The following IKZF2 variants were observed in gnomAD, a reference collection of about 807,000 sequenced individuals.
The protein encoded by IKZF2 is IKAROS family zinc finger 2.
IKZF2 carries 15 observed loss-of-function variants against 49.2 expected under a neutral mutation model. That is an observed-to-expected ratio of 0.30 (90% CI 0.20 to 0.47). The LOEUF is 0.47. Ranked by LOEUF, IKZF2 falls within the 20% of genes least tolerant of loss-of-function variation. The pLI, the probability that IKZF2 is intolerant of heterozygous loss-of-function variation, is 1.00. For synonymous variants in IKZF2, 227 were observed against 221.4 expected, an observed-to-expected ratio of 1.03 and a Z score of -0.23; for missense variants, 567 against 664.6, an observed-to-expected ratio of 0.85 and a Z score of 1.61.
chr2:213,057,727 C>T lies in IKZF2; in HGVS notation c.140-628G>A, dbSNP rs142554823. On this transcript the variant is annotated intron_variant, in intron 4 of 8. Coordinates refer to ENST00000434687, the MANE Select transcript of IKZF2 (RefSeq NM_001387220.1). The stretch of plus-strand genomic sequence containing the variant: ...ACAGACCTCACATGCTCTTAAGTTA[C>T]TCTGCCTATTTTTTCTATCTAAAAA... Among the ~76,000 whole-genome samples, 206 of 152,294 alleles carry T rather than the reference C, an allele frequency of 1.4e-3. 2 individuals carry two copies. In the East Asian group the frequency reaches 0.037, roughly 28 times the overall value.
intron 4 of IKZF2, among the ~76,000 whole-genome samples, chr2:213,135,565 G>A (rs1484290019): frequency 6.6e-6 from 1 of 151,964 alleles, no homozygotes; most frequent in Non-Finnish European, 1.5e-5. Context: ...GGGCATGGTG[G>A]CATGCACCTG....
At chr2:213,122,423 G>A (rs1449644608) in intron 4 of IKZF2, among the ~76,000 whole-genome samples, 1 of 152,042 alleles carries the variant, frequency 6.6e-6, no homozygotes, top group Admixed American at 6.6e-5. Context: ...CACTTTGTTT[G>A]ATTCAGTATA....
chr2:213,140,641 C>A (rs945416263), intron 4 of IKZF2, among the ~76,000 whole-genome samples: 3 of 151,732 alleles, frequency 2.0e-5, no homozygotes, highest in Admixed American at 1.3e-4. Context: ...ATTAGATATA[C>A]CACAAAATGT....
chr2:213,122,701 T>C (rs2060099594), intron 4 of IKZF2, among the ~76,000 whole-genome samples: 1 of 152,202 alleles, frequency 6.6e-6, no homozygotes, highest in Non-Finnish European at 1.5e-5. Flanking sequence ...TATCCAATCA[T>C]TTCTCAGCCA....
intron 6 of IKZF2, among the ~76,000 whole-genome samples, chr2:213,034,632 A>G (rs1197180488): frequency 6.6e-6 from 1 of 152,200 alleles, no homozygotes; most frequent in Admixed American, 6.5e-5. Context: ...CAAGTTTGCC[A>G]GCCTGTATAG....
chr2:213,105,019 C>T (rs1051201076), intron 4 of IKZF2, among the ~76,000 whole-genome samples: 3 of 152,084 alleles, frequency 2.0e-5, no homozygotes, highest in African/African-American at 7.2e-5. Context: ...CAGAGATTCC[C>T]TCCCCTCCCA....
intron 5 of IKZF2, among the ~76,000 whole-genome samples, chr2:213,051,024 C>G (rs2035426): frequency 0.6 from 90,944 of 151,796 alleles, 27,396 homozygotes; most frequent in East Asian, 0.77. Context: ...GATGATGATT[C>G]TAATTTTAAT....
At chr2:213,028,982 C>T (rs1248461833) in intron 6 of IKZF2, among the ~76,000 whole-genome samples, 1 of 151,942 alleles carries the variant, frequency 6.6e-6, no homozygotes, top group Non-Finnish European at 1.5e-5. Flanking sequence ...TGTTTTTTCA[C>T]CCAATGTTAA....
intron 6 of IKZF2, among the ~76,000 whole-genome samples, chr2:213,043,884 G>T (rs925285036): frequency 2.0e-5 from 3 of 152,224 alleles, no homozygotes; most frequent in Non-Finnish European, 4.4e-5. Context: ...GGAGGTTGAG[G>T]ACCCCTGCTC....
intron 6 of IKZF2, among the ~76,000 whole-genome samples, chr2:213,023,380 G>A (rs1411335525): frequency 1.3e-5 from 2 of 152,166 alleles, no homozygotes; most frequent in Non-Finnish European, 2.9e-5. Flanking sequence ...CATAAATTAA[G>A]ATCAGTTATT....
At chr2:213,039,997 C>T (rs1287422435) in intron 6 of IKZF2, among the ~76,000 whole-genome samples, 1 of 151,884 alleles carries the variant, frequency 6.6e-6, no homozygotes, top group African/African-American at 2.4e-5. Context: ...TTATAAGAGA[C>T]AATGAATAAA....
At chr2:213,013,690 T>C in intron 8 of IKZF2, 101 bp downstream of exon 8, 1 of 1,086,504 alleles carries the variant, frequency 9.2e-7, no homozygotes, top group South Asian at 1.6e-5. Flanking sequence ...GGTATTTATT[T>C]CATGAACTGA....
intron 4 of IKZF2, among the ~76,000 whole-genome samples, chr2:213,097,143 G>T (rs1300150868): frequency 1.3e-5 from 2 of 151,854 alleles, no homozygotes; most frequent in African/African-American, 2.4e-5. Context: ...GCAGTTTAAT[G>T]AGATAATTAA....
chr2:213,152,188 T>G (rs80317363), upstream of IKZF2: 12,593 of 152,254 alleles, frequency 0.083, 627 homozygotes, highest in South Asian at 0.16. Flanking sequence ...CGTGAAGTTT[T>G]CTTTCAAACT....
chr2:213,109,111 C>G (rs1465746861), intron 4 of IKZF2, among the ~76,000 whole-genome samples: 2 of 151,904 alleles, frequency 1.3e-5, no homozygotes, highest in Non-Finnish European at 2.9e-5. Context: ...AATAACTGAC[C>G]ACTATTTAAA....
chr2:213,129,531 A>G (rs556044265), intron 4 of IKZF2, among the ~76,000 whole-genome samples: 1 of 152,108 alleles, frequency 6.6e-6, no homozygotes, highest in South Asian at 2.1e-4. Context: ...GGGAAAGAAT[A>G]GAGAAGAGGA....
At chr2:213,094,493 C>A (rs1272698226) in intron 4 of IKZF2, among the ~76,000 whole-genome samples, 1 of 152,076 alleles carries the variant, frequency 6.6e-6, no homozygotes, top group Non-Finnish European at 1.5e-5. Flanking sequence ...AGGGTACCAT[C>A]TTTCCTGGAA....
intron 7 of IKZF2, among the ~76,000 whole-genome samples, chr2:213,017,401 GAAGT>G (rs1423184638): frequency 2.0e-5 from 3 of 152,102 alleles, no homozygotes; most frequent in African/African-American, 7.2e-5. Flanking sequence ...TATAGTAAAA[GAAGT>G]AAAATCTCCA....
intron 4 of IKZF2, among the ~76,000 whole-genome samples, chr2:213,110,787 G>T (rs775888745): frequency 3.3e-5 from 5 of 151,890 alleles, no homozygotes; most frequent in Non-Finnish European, 7.4e-5. Flanking sequence ...TTGCAGCCTT[G>T]CCAACACAGC....
Sources: allele counts gnomAD v4.1 joint callset (sites outside exome capture counted in the v4.1 genomes callset), GRCh38; gene constraint gnomAD v4.1.1; transcripts MANE v1.5; gene names NCBI Gene and HGNC (gene_info 2026-07-23, HGNC 2026-07-21).